The following MECOM variants were observed in gnomAD, a reference collection of about 807,000 sequenced individuals.
MECOM encodes the protein MDS1 and EVI1 complex locus, also known as histone-lysine N-methyltransferase MECOM.
A neutral mutation model predicts 116.3 loss-of-function variants in MECOM; 13 were observed. The observed-to-expected ratio is 0.11, with a 90% CI of 0.07 to 0.18. The LOEUF is 0.18. Ranked by LOEUF, MECOM falls within the 10% of genes least tolerant of loss-of-function variation. The pLI, the probability that MECOM is intolerant of heterozygous loss-of-function variation, is 1.00. For missense variants in MECOM, 1,299 were observed against 1,509.0 expected (o/e 0.86, Z 2.31); for synonymous variants, 528 against 535.2 (o/e 0.99, Z 0.19).
At chr3:169,097,390 A>G (rs1479913040) in intron 12 of MECOM, among the ~76,000 whole-genome samples, 1 of 152,146 alleles carries the variant, frequency 6.6e-6, no homozygotes, top group Non-Finnish European at 1.5e-5. Flanking sequence ...CACAATTCCA[A>G]TAAGAGCCTA....
chr3:169,469,513 C>T (rs1748850901), intron 1 of MECOM, among the ~76,000 whole-genome samples: 1 of 152,174 alleles, frequency 6.6e-6, no homozygotes, highest in Non-Finnish European at 1.5e-5. Context: ...CTAAATATAG[C>T]TGCTTTTAGA....
At chr3:169,558,571 A>G (rs1313340857) in intron 1 of MECOM, among the ~76,000 whole-genome samples, 2 of 152,218 alleles carry the variant, frequency 1.3e-5, no homozygotes, top group Non-Finnish European at 2.9e-5. Flanking sequence ...TTGTTGCATT[A>G]ATTGTATATC....
intron 2 of MECOM, among the ~76,000 whole-genome samples, chr3:169,276,426 G>A (rs1244739422): frequency 6.6e-6 from 1 of 151,784 alleles, no homozygotes; most frequent in Non-Finnish European, 1.5e-5. Flanking sequence ...GGTGGCGCGT[G>A]CCTGTTTTCC....
intron 1 of MECOM, among the ~76,000 whole-genome samples, chr3:169,547,259 T>C (rs936933925): frequency 6.6e-6 from 1 of 152,208 alleles, no homozygotes; most frequent in Non-Finnish European, 1.5e-5. Flanking sequence ...TCCACCATGG[T>C]AAGATGTGCT....
intron 1 of MECOM, among the ~76,000 whole-genome samples, chr3:169,499,197 GA>G (rs942472760): frequency 5.9e-5 from 9 of 151,342 alleles, no homozygotes; most frequent in Non-Finnish European, 1.0e-4. Flanking sequence ...AAGTTTTCCA[GA>G]ATTAATAAAA....
chr3:169,485,744 G>A (rs562713640), intron 1 of MECOM, among the ~76,000 whole-genome samples: 2 of 150,566 alleles, frequency 1.3e-5, no homozygotes, highest in Non-Finnish European at 1.5e-5. Context: ...ATTTGGCAAC[G>A]AAATATGCGA....
intron 1 of MECOM, among the ~76,000 whole-genome samples, chr3:169,390,174 C>T (rs1733999144): frequency 1.3e-5 from 2 of 152,118 alleles, no homozygotes; most frequent in Non-Finnish European, 2.9e-5. Flanking sequence ...TGGACAAGTT[C>T]ATCCCCAGGT....
At chr3:169,400,689 G>A (rs1735744011) in intron 1 of MECOM, among the ~76,000 whole-genome samples, 2 of 152,174 alleles carry the variant, frequency 1.3e-5, no homozygotes, top group Admixed American at 6.5e-5. Flanking sequence ...AAACACAGGG[G>A]AAAATATGGA....
chr3:169,647,483 A>G (rs143043498), intron 1 of MECOM, among the ~76,000 whole-genome samples: 1 of 152,328 alleles, frequency 6.6e-6, no homozygotes, highest in East Asian at 1.9e-4. Context: ...CAAGCCATCT[A>G]ATTTAAAATA....
At chr3:169,487,888 A>G (rs1752597173) in intron 1 of MECOM, among the ~76,000 whole-genome samples, 1 of 152,184 alleles carries the variant, frequency 6.6e-6, no homozygotes, top group Non-Finnish European at 1.5e-5. Flanking sequence ...TTAATATGAA[A>G]CAAAGTATAC....
intron 2 of MECOM, among the ~76,000 whole-genome samples, chr3:169,242,540 C>T (rs1325300659): frequency 2.0e-5 from 3 of 152,116 alleles, no homozygotes; most frequent in Admixed American, 6.5e-5. Flanking sequence ...GCTCCTGATG[C>T]GGGCGATCCT....
intron 1 of MECOM, among the ~76,000 whole-genome samples, chr3:169,601,556 A>C (rs1767835098): frequency 6.6e-6 from 1 of 152,168 alleles, no homozygotes; most frequent in African/African-American, 2.4e-5. Flanking sequence ...ACCTTGAAAC[A>C]AGGTAGCTTT....
chr3:169,463,290 C>T (rs904741948), intron 1 of MECOM, among the ~76,000 whole-genome samples: 2 of 152,166 alleles, frequency 1.3e-5, no homozygotes, highest in African/African-American at 4.8e-5. Context: ...TAGCTTGATG[C>T]TCATGTGAAA....
chr3:169,588,058 A>G (rs546764184), intron 1 of MECOM, among the ~76,000 whole-genome samples: 1 of 152,336 alleles, frequency 6.6e-6, no homozygotes, highest in African/African-American at 2.4e-5. Context: ...GAAAATTATA[A>G]GTAAACAGAA....
At chr3:169,195,628 C>A (rs944715109) in intron 2 of MECOM, among the ~76,000 whole-genome samples, 7 of 152,094 alleles carry the variant, frequency 4.6e-5, no homozygotes, top group Non-Finnish European at 8.8e-5. Flanking sequence ...TCAGGTAAGA[C>A]AAGAACTACC....
At chr3:169,158,842 G>A (rs988956420) in intron 2 of MECOM, among the ~76,000 whole-genome samples, 5 of 152,136 alleles carry the variant, frequency 3.3e-5, no homozygotes, top group South Asian at 4.1e-4. Flanking sequence ...GTTTTTATGC[G>A]TAGTGGGGTG....
At chr3:169,592,967 T>G (rs1432640236) in intron 1 of MECOM, among the ~76,000 whole-genome samples, 6 of 152,230 alleles carry the variant, frequency 3.9e-5, no homozygotes. Context: ...AAGACATATA[T>G]GTATGTATAA....
At chr3:169,420,164 G>A (rs1305854269) in intron 1 of MECOM, among the ~76,000 whole-genome samples, 1 of 152,154 alleles carries the variant, frequency 6.6e-6, no homozygotes, top group Non-Finnish European at 1.5e-5. Flanking sequence ...GTTGGTGGGA[G>A]TGTAAATTAG....
intron 2 of MECOM, among the ~76,000 whole-genome samples, chr3:169,237,800 A>G (rs374421725): frequency 6.6e-6 from 1 of 152,146 alleles, no homozygotes; most frequent in South Asian, 2.1e-4. Context: ...GAAGTCCCAT[A>G]CTATTTAACC....
Sources: gnomAD v4.1 joint callset for allele counts (sites outside exome capture counted in the v4.1 genomes callset) on GRCh38, gnomAD v4.1.1 for gene constraint, MANE v1.5 for transcripts, NCBI Gene and HGNC (gene_info 2026-07-23, HGNC 2026-07-21) for gene names.